STK32B: variants seen among roughly 807,000 people sequenced by gnomAD.
STK32B encodes the protein serine/threonine kinase 32B.
Under a neutral mutation model 52.6 loss-of-function variants are expected in STK32B, and 43 were observed. That is an observed-to-expected ratio of 0.82 (90% confidence interval 0.64 to 1.05). The LOEUF (loss-of-function observed/expected upper bound fraction) is 1.05, where lower values mean the gene tolerates loss of function less well. STK32B is among the 50% of genes least tolerant of loss of function. The pLI is 0.00. For missense variants in STK32B, 621 were observed against 534.6 expected (o/e 1.16, Z -1.59); for synonymous variants, 238 against 204.3 (o/e 1.17, Z -1.41).
At chr4:5,251,124 C>A (rs1379369679) in intron 3 of STK32B, among the ~76,000 whole-genome samples, 1 of 152,094 alleles carries the variant, frequency 6.6e-6, no homozygotes, top group African/African-American at 2.4e-5. Flanking sequence ...CATCATGAAA[C>A]CTTTTCTAGG....
chr4:5,479,041 A>C (rs1202218433), intron 11 of STK32B, among the ~76,000 whole-genome samples: 1 of 152,030 alleles, frequency 6.6e-6, no homozygotes, highest in African/African-American at 2.4e-5. Context: ...AGGGGGAGGC[A>C]GGAGACAGTT....
At chr4:5,464,680 T>A (rs1370501152) in intron 9 of STK32B, among the ~76,000 whole-genome samples, 1 of 152,212 alleles carries the variant, frequency 6.6e-6, no homozygotes, top group East Asian at 1.9e-4. Context: ...TTGTGTCAGC[T>A]TCACACCAGT....
At chr4:5,122,373 CTCATTCAT>C (rs1425952930) in intron 1 of STK32B, among the ~76,000 whole-genome samples, 1 of 26,954 alleles carries the variant, frequency 3.7e-5, no homozygotes, top group Admixed American at 6.1e-4. Context: ...CACTCATTCA[CTCATTCAT>C]TCACTCACTC....
Position 5,499,179 on chromosome 4 carries a change from G to GA in STK32B, c.*100dup, listed in dbSNP as rs1159883211. 7.7e-6 allele frequency: 11 copies of GA among 1,423,884 alleles called. No individual in the cohort carries two copies. The highest frequency in any genetic ancestry group is 9.3e-6 in the Non-Finnish European group (10 of 1,076,902). The allele number at this position is 1,423,884 out of a possible 1,614,324, so 88.2% of individuals were successfully genotyped here. On this transcript the variant is annotated 3_prime_UTR_variant, in exon 12 of 12. Transcript: ENST00000282908. ...CCCTGATGGTCCCTGTCTCACCCCT[G>GA]AAAACATCAGATGCAGAAAAAGCCC...
intron 8 of STK32B, among the ~76,000 whole-genome samples, chr4:5,459,649 G>C (rs1716875386): frequency 6.6e-6 from 1 of 152,220 alleles, no homozygotes; most frequent in South Asian, 2.1e-4. Flanking sequence ...GGCTACAAAT[G>C]AGGCCACTTC....
At chr4:5,345,550 T>C (rs528541609) in intron 4 of STK32B, 21 of 152,352 alleles carry the variant, frequency 1.4e-4, no homozygotes, top group African/African-American at 4.3e-4. Context: ...GCATTTTGCA[T>C]GTGCCTGGTT....
At chr4:5,256,972 T>C (rs55747214) in intron 3 of STK32B, among the ~76,000 whole-genome samples, 18,731 of 152,046 alleles carry the variant, frequency 0.12, 3,172 homozygotes, top group African/African-American at 0.38. Context: ...AGTGAGTGGA[T>C]GAATAAGTGG....
At chr4:5,451,265 C>T (rs923541321) in intron 7 of STK32B, among the ~76,000 whole-genome samples, 2 of 152,078 alleles carry the variant, frequency 1.3e-5, no homozygotes, top group East Asian at 1.9e-4. Flanking sequence ...CATTGAAGTT[C>T]GGTCACATAT....
At chr4:5,317,637 A>C (rs1731193373) in intron 3 of STK32B, among the ~76,000 whole-genome samples, 1 of 147,264 alleles carries the variant, frequency 6.8e-6, no homozygotes, top group African/African-American at 2.6e-5. Context: ...GCCCTGGACC[A>C]GGCCCTGAGT....
chr4:5,210,051 T>C (rs374665696), intron 3 of STK32B, among the ~76,000 whole-genome samples: 3 of 152,290 alleles, frequency 2.0e-5, no homozygotes, highest in East Asian at 1.9e-4. Context: ...TTGTGCGTCA[T>C]TGAAGCTCTT....
At chr4:5,408,014 A>G (rs1737790704) in intron 5 of STK32B, among the ~76,000 whole-genome samples, 1 of 152,150 alleles carries the variant, frequency 6.6e-6, no homozygotes, top group Admixed American at 6.5e-5. Flanking sequence ...CCTCTGAACC[A>G]GGAAGCAGGC....
chr4:5,323,444 TC>T (rs1259613307), intron 3 of STK32B, among the ~76,000 whole-genome samples: 1 of 152,128 alleles, frequency 6.6e-6, no homozygotes, highest in Non-Finnish European at 1.5e-5. Flanking sequence ...GTCTATCACT[TC>T]TGCACCCTGC....
intron 3 of STK32B, among the ~76,000 whole-genome samples, chr4:5,330,822 A>G (rs142221995): frequency 1.3e-5 from 2 of 152,320 alleles, no homozygotes; most frequent in Admixed American, 6.5e-5. Flanking sequence ...TATGCAGGGA[A>G]TGGAGGGAAT....
chr4:5,230,788 G>A (rs181523978), intron 3 of STK32B, among the ~76,000 whole-genome samples: 4 of 152,296 alleles, frequency 2.6e-5, no homozygotes, highest in African/African-American at 4.8e-5. Flanking sequence ...AGCTGCTACC[G>A]TTACAGAGGG....
intron 1 of STK32B, among the ~76,000 whole-genome samples, chr4:5,125,837 T>C (rs565199366): frequency 2.6e-5 from 4 of 152,328 alleles, no homozygotes; most frequent in African/African-American, 9.6e-5. Flanking sequence ...CTGCCTCCTG[T>C]GGACCTCCCT....
chr4:5,485,872 G>A (rs1182002764), intron 11 of STK32B, among the ~76,000 whole-genome samples: 1 of 152,146 alleles, frequency 6.6e-6, no homozygotes. Flanking sequence ...TGTTTGCCTG[G>A]GTATCAGCAG....
At chr4:5,324,551 A>G (rs575989191) in intron 3 of STK32B, among the ~76,000 whole-genome samples, 315 of 152,246 alleles carry the variant, frequency 2.1e-3, no homozygotes, top group African/African-American at 7.4e-3. Flanking sequence ...GCCATTTTGC[A>G]GTAGGTGATT....
At chr4:5,103,807 T>C (rs1458861875) in intron 1 of STK32B, among the ~76,000 whole-genome samples, 1 of 152,192 alleles carries the variant, frequency 6.6e-6, no homozygotes, top group African/African-American at 2.4e-5. Flanking sequence ...TTTTTGCCAG[T>C]ACGATGAGTA....
At chr4:5,240,217 G>C (rs1174767160) in intron 3 of STK32B, among the ~76,000 whole-genome samples, 1 of 151,716 alleles carries the variant, frequency 6.6e-6, no homozygotes, top group African/African-American at 2.4e-5. Context: ...TTCTTCTGTA[G>C]TATTCTGTCA....
Sources: allele counts gnomAD v4.1 joint callset (sites outside exome capture counted in the v4.1 genomes callset), GRCh38; gene constraint gnomAD v4.1.1; transcripts MANE v1.5; gene names NCBI Gene and HGNC (gene_info 2026-07-23, HGNC 2026-07-21).